The following PTDSS1 variants were observed in gnomAD, a reference collection of about 807,000 sequenced individuals.
PTDSS1 encodes phosphatidylserine synthase 1.
In PTDSS1, 45 loss-of-function variants were observed where a neutral mutation model predicts 70.5. The observed-to-expected ratio is 0.64, with a 90% CI of 0.50 to 0.82. The LOEUF is 0.82. Ranked by LOEUF, PTDSS1 falls within the 40% of genes least tolerant of loss-of-function variation. The pLI is 0.00. For synonymous variants in PTDSS1, 188 were observed against 203.8 expected (o/e 0.92, Z 0.66); for missense variants, 417 against 586.1 (o/e 0.71, Z 2.98).
intron 3 of PTDSS1, 140 bp from the exon 4 acceptor site, chr8:96,286,882 C>T: frequency 1.8e-6 from 2 of 1,098,080 alleles, no homozygotes; most frequent in South Asian, 1.5e-5. Flanking sequence ...AGGGAAATCC[C>T]AGATTATAAG....
At chr8:96,282,283 T>C (rs947882850) in intron 2 of PTDSS1, among the ~76,000 whole-genome samples, 5 of 152,188 alleles carry the variant, frequency 3.3e-5, no homozygotes, top group Non-Finnish European at 5.9e-5. Context: ...AAGATGATAA[T>C]TTTAGCCATG....
Position 96,261,998 on chromosome 8 carries a change from G to T in PTDSS1, c.-43G>T, listed in dbSNP as rs200050969. 534 of 1,584,348 alleles carry T rather than the reference G, an allele frequency of 3.4e-4. 2 individuals carry two copies. The African/African-American group carries it at 6.3e-3, about 19-fold the overall frequency. The stretch of plus-strand genomic sequence containing the variant: ...TCACCCCCGGGGTCCCGGCCTTCTC[G>T]GGCTGGGGCCGCCGCCACCGCGGCA... On this transcript the variant is annotated 5_prime_UTR_variant, in exon 1 of 13. Coordinates refer to ENST00000517309, the MANE Select transcript of PTDSS1 (RefSeq NM_014754.3).
chr8:96,306,747 G>A lies in PTDSS1; in HGVS notation c.1007+191G>A, dbSNP rs1811130171. ...GTAACATTAACCAGACATTTAAAAA[G>A]AGAAGCACTTGATGAACACCACACC... On this transcript the variant is annotated intron_variant, in intron 8 of 12. Transcript: ENST00000517309. 9.9e-5 allele frequency among the ~76,000 whole-genome samples: 15 copies of A among 152,158 alleles called. 1 individual carries two copies. Among genetic ancestry groups the A allele is most frequent in the Admixed American group, 9.8e-4 (15 of 15,280 alleles).
chr8:96,322,314 G>A (rs577820064), intron 10 of PTDSS1, among the ~76,000 whole-genome samples: 3 of 152,300 alleles, frequency 2.0e-5, no homozygotes, highest in African/African-American at 7.2e-5. Context: ...TTAAATCACA[G>A]TACTTTATTT....
intron 4 of PTDSS1, among the ~76,000 whole-genome samples, chr8:96,290,056 T>A (rs1237643922): frequency 6.6e-6 from 1 of 152,180 alleles, no homozygotes; most frequent in Non-Finnish European, 1.5e-5. Context: ...GCATGCATGC[T>A]AGATGTTCAT....
intron 9 of PTDSS1, among the ~76,000 whole-genome samples, chr8:96,318,705 G>A (rs987607482): frequency 2.6e-5 from 4 of 152,094 alleles, no homozygotes; most frequent in African/African-American, 9.7e-5. Flanking sequence ...TTCGGGCTAG[G>A]GGAAAAGACA....
Position 96,326,009 on chromosome 8 carries a change from C to T in PTDSS1, c.1174-4204C>T, listed in dbSNP as rs192153043. Among the ~76,000 whole-genome samples, 90 of 152,264 alleles carry T rather than the reference C, an allele frequency of 5.9e-4. 1 individual carries two copies. The highest frequency in any genetic ancestry group is 3.4e-3 in the Middle Eastern group (1 of 294). ...CAAGAAGGAAGAAGGCTCCCCACCACGAAACCTCCCAGATGAATTATGAAA... is the reference window on the plus strand; with the variant it reads ...CAAGAAGGAAGAAGGCTCCCCACCATGAAACCTCCCAGATGAATTATGAAA... On this transcript the variant is annotated intron_variant, in intron 10 of 12. Coordinates refer to ENST00000517309, the MANE Select transcript of PTDSS1 (RefSeq NM_014754.3).
intron 2 of PTDSS1, among the ~76,000 whole-genome samples, chr8:96,279,750 C>T (rs1025804013): frequency 6.6e-5 from 10 of 151,856 alleles, no homozygotes; most frequent in Non-Finnish European, 1.3e-4. Flanking sequence ...ACCCGGGAGG[C>T]GGAGGTTGTA....
intron 7 of PTDSS1, among the ~76,000 whole-genome samples, chr8:96,305,313 G>C (rs1270668547): frequency 6.6e-6 from 1 of 152,136 alleles, no homozygotes; most frequent in Non-Finnish European, 1.5e-5. Context: ...TTTTTATTTT[G>C]TGTCCTTGAA....
rs777705401 is a variant in PTDSS1, at chr8:96,288,625, C to CTTTTTTTT, written c.441+1494_441+1501dup. 5.9e-5 allele frequency among the ~76,000 whole-genome samples: 5 copies of CTTTTTTTT among 84,660 alleles called. 1 individual carries two copies. Among genetic ancestry groups the CTTTTTTTT allele is most frequent in the African/African-American group, 2.9e-4 (5 of 17,320 alleles). 55.5% of individuals were successfully genotyped at this position (84,660 alleles called of 152,430 possible). A position where few individuals can be genotyped will look rare whatever the true frequency, so the allele number is the denominator to read the frequency against. On this transcript the variant is annotated intron_variant, in intron 4 of 12. Transcript: ENST00000517309. Reference sequence around the variant, plus strand: ...ACAGGCATGAGCCACCACGCTTGGCCTTTTTTTTTTTTTTTTTTTTTTGAG... The same window carrying CTTTTTTTT: ...ACAGGCATGAGCCACCACGCTTGGCCTTTTTTTTTTTTTTTTTTTTTTTTTTTTTTGAG...
At chr8:96,286,144 T>A (rs1455221903) in intron 3 of PTDSS1, among the ~76,000 whole-genome samples, 1 of 152,174 alleles carries the variant, frequency 6.6e-6, no homozygotes, top group Admixed American at 6.5e-5. Flanking sequence ...AGATTAGTGC[T>A]GAGCCAAGTT....
At chr8:96,277,166 A>G (rs1810660692) in intron 2 of PTDSS1, among the ~76,000 whole-genome samples, 1 of 152,262 alleles carries the variant, frequency 6.6e-6, no homozygotes, top group Admixed American at 6.5e-5. Flanking sequence ...CAAGCCATGT[A>G]TATATAGCAA....
chr8:96,308,292 G>A (rs886104172), intron 8 of PTDSS1, among the ~76,000 whole-genome samples: 6 of 152,124 alleles, frequency 3.9e-5, no homozygotes, highest in African/African-American at 1.4e-4. Flanking sequence ...TGATCAAGAC[G>A]TGTTAGGTCA....
chr8:96,296,547 C>A (rs1044847483), intron 5 of PTDSS1, among the ~76,000 whole-genome samples: 5 of 152,168 alleles, frequency 3.3e-5, no homozygotes, highest in African/African-American at 1.2e-4. Context: ...TAACAAAGTA[C>A]CTCTCCAATG....
intron 4 of PTDSS1, among the ~76,000 whole-genome samples, chr8:96,289,268 C>T (rs540488199): frequency 7.2e-5 from 11 of 152,270 alleles, no homozygotes; most frequent in African/African-American, 1.7e-4. Context: ...CTCTCCTTTC[C>T]GGAGGATGGA....
At chr8:96,269,563 G>A (rs542889379) in intron 1 of PTDSS1, among the ~76,000 whole-genome samples, 1 of 152,294 alleles carries the variant, frequency 6.6e-6, no homozygotes, top group East Asian at 1.9e-4. Flanking sequence ...GTCAAGATGA[G>A]GATTGGGCAG....
intron 4 of PTDSS1, among the ~76,000 whole-genome samples, chr8:96,288,624 C>CG (rs1281951532): frequency 8.9e-6 from 1 of 112,470 alleles, no homozygotes; most frequent in East Asian, 2.1e-4. Flanking sequence ...CCACGCTTGG[C>CG]CTTTTTTTTT....
Position 96,295,266 on chromosome 8 carries a change from AGGGC to A in PTDSS1, c.600+11_600+14del. ...CTGGGAGCTGACTGAGGTAAGAAGG[AGGGC>A]ATTGGGGGTTCCCCAGACTGTGCCA... On this transcript the variant is annotated intron_variant, in intron 5 of 12. Coordinates refer to ENST00000517309, the MANE Select transcript of PTDSS1 (RefSeq NM_014754.3). The A allele has an allele frequency of 6.2e-7, 1 of 1,611,782 alleles. No homozygotes were observed. The highest frequency in any genetic ancestry group is 8.5e-7 in the Non-Finnish European group (1 of 1,178,742).
rs1442747482 is a variant in PTDSS1, at chr8:96,287,023, A to G, written c.318A>G (p.Gly106=). Residue 106 remains glycine (G), a splice_region_variant and synonymous_variant, in exon 4 of 13, where the codon GGA becomes GGG. Transcript: ENST00000517309. ...PHPALWRMVF[G]LSVLYFLFLV... ...TCAGCATGTTTTTGTTTCTCTCAGG[A>G]CTCAGTGTGCTCTACTTCCTGTTCC... 9 of 1,613,718 alleles carry G rather than the reference A, an allele frequency of 5.6e-6. No individual in the cohort carries two copies. Among genetic ancestry groups the G allele is most frequent in the Non-Finnish European group, 7.6e-6 (9 of 1,179,924 alleles).
Sources: allele counts gnomAD v4.1 joint callset (sites outside exome capture counted in the v4.1 genomes callset), GRCh38; gene constraint gnomAD v4.1.1; transcripts MANE v1.5; gene names NCBI Gene and HGNC (gene_info 2026-07-23, HGNC 2026-07-21).